The following OIT3 variants were observed in gnomAD, a reference collection of about 807,000 sequenced individuals.
The protein encoded by OIT3 is oncoprotein-induced transcript 3 protein.
Under a neutral mutation model 52.2 loss-of-function variants are expected in OIT3, and 41 were observed. That is an observed-to-expected ratio of 0.79 (90% CI 0.61 to 1.02). The LOEUF is 1.02. Ranked by LOEUF, OIT3 falls within the 50% of genes least tolerant of loss-of-function variation. OIT3 has a pLI of 0.00. For missense variants in OIT3, 634 were observed against 715.5 expected (o/e 0.89, Z 1.30); for synonymous variants, 244 against 276.9 (o/e 0.88, Z 1.18).
intron 3 of OIT3, among the ~76,000 whole-genome samples, chr10:72,900,965 G>A (rs548502642): frequency 2.0e-5 from 3 of 152,166 alleles, no homozygotes; most frequent in Non-Finnish European, 1.5e-5. Flanking sequence ...CTCCTCAGGA[G>A]GCTGAGGTGG....
intron 3 of OIT3, among the ~76,000 whole-genome samples, chr10:72,902,112 C>A (rs1845939805): frequency 6.6e-6 from 1 of 151,970 alleles, no homozygotes; most frequent in Admixed American, 6.6e-5. Flanking sequence ...CCCCACTGAC[C>A]ATCCTGTGAA....
At chr10:72,909,244 TC>T (rs749552306) in intron 4 of OIT3, among the ~76,000 whole-genome samples, 12 of 150,852 alleles carry the variant, frequency 8.0e-5, no homozygotes, top group Non-Finnish European at 1.5e-4. Flanking sequence ...CCTCAGCCTC[TC>T]AAGAAGCTGG....
At chr10:72,918,476 C>T in intron 6 of OIT3, 2 of 1,191,706 alleles carry the variant, frequency 1.7e-6, no homozygotes, top group Non-Finnish European at 2.5e-6. Context: ...TAATTCACAA[C>T]CAAAAAGATA....
chr10:72,911,609 C>T, intron 4 of OIT3, 108 bp from the exon 5 acceptor site: 1 of 1,168,024 alleles, frequency 8.6e-7, no homozygotes, highest in Non-Finnish European at 1.2e-6. Context: ...CTAGGTTAGG[C>T]ACCAGGGATG....
At chr10:72,902,976 T>A (rs1845947373) in intron 3 of OIT3, among the ~76,000 whole-genome samples, 1 of 152,162 alleles carries the variant, frequency 6.6e-6, no homozygotes, top group African/African-American at 2.4e-5. Flanking sequence ...TAGACAATCT[T>A]TTTCTATCAA....
chr10:72,931,123 G>A (rs1044806593), intron 8 of OIT3, among the ~76,000 whole-genome samples: 3 of 152,178 alleles, frequency 2.0e-5, no homozygotes, highest in Admixed American at 6.5e-5. Flanking sequence ...ATAGGGAGAA[G>A]TATACAGTGA....
At chr10:72,923,070 G>A (rs1189582295) in intron 6 of OIT3, among the ~76,000 whole-genome samples, 1 of 152,076 alleles carries the variant, frequency 6.6e-6, no homozygotes, top group East Asian at 1.9e-4. Context: ...GTAGAGATGG[G>A]GTTTCACCAT....
At chr10:72,919,775 A>G (rs2132943489) in intron 6 of OIT3, among the ~76,000 whole-genome samples, 1 of 152,230 alleles carries the variant, frequency 6.6e-6, no homozygotes, top group Middle Eastern at 3.4e-3. Flanking sequence ...TGTTGAACCA[A>G]TCTTGCATCC....
At chr10:72,900,279 A>C in intron 2 of OIT3, 98 bp from the exon 3 acceptor site, 11 of 685,656 alleles carry the variant, frequency 1.6e-5, no homozygotes, top group East Asian at 8.5e-5. Flanking sequence ...CAACATAGGG[A>C]TACCACCCCC....
intron 2 of OIT3, among the ~76,000 whole-genome samples, chr10:72,900,057 C>T (rs1457364374): frequency 2.0e-5 from 3 of 152,108 alleles, no homozygotes; most frequent in Non-Finnish European, 4.4e-5. Flanking sequence ...ACAGAAGATG[C>T]CCTAGATTGT....
At chr10:72,921,445 G>A (rs1846120570) in intron 6 of OIT3, among the ~76,000 whole-genome samples, 1 of 151,952 alleles carries the variant, frequency 6.6e-6, no homozygotes, top group Non-Finnish European at 1.5e-5. Context: ...GTTACGTGTG[G>A]ATTTGATCCT....
chr10:72,905,974 G>C (rs546844690), intron 3 of OIT3, among the ~76,000 whole-genome samples: 1 of 152,274 alleles, frequency 6.6e-6, no homozygotes, highest in South Asian at 2.1e-4. Flanking sequence ...TAGCTCCCAA[G>C]CTTCCTTTTC....
chr10:72,904,719 A>C (rs1845963749), intron 3 of OIT3, among the ~76,000 whole-genome samples: 1 of 152,134 alleles, frequency 6.6e-6, no homozygotes, highest in Non-Finnish European at 1.5e-5. Flanking sequence ...AATTATCACG[A>C]TAATGCTCTC....
chr10:72,901,400 G>T (rs1016519290), intron 3 of OIT3, among the ~76,000 whole-genome samples: 1 of 152,066 alleles, frequency 6.6e-6, no homozygotes, highest in African/African-American at 2.4e-5. Context: ...AACTAGAAGA[G>T]AACAGAGATG....
rs574654873 is a variant in OIT3 at position 72,900,649 on chromosome 10, T to C, written c.544+165T>C. 1.7e-4 allele frequency among the ~76,000 whole-genome samples: 26 copies of C among 152,238 alleles called. No homozygotes were observed. The East Asian group carries it at 5.0e-3, about 29-fold the overall frequency. On this transcript the variant is annotated intron_variant, in intron 3 of 8. Transcript: ENST00000334011. ...CTGGACCGAAAGCCCCACGCCAAAT[T>C]TGTATCATGATTAGGGACAGCAGAG...
intron 6 of OIT3, chr10:72,917,848 G>A (rs568248944): frequency 2.3e-6 from 3 of 1,314,646 alleles, no homozygotes; most frequent in African/African-American, 2.9e-5. Flanking sequence ...AAGGATTCTT[G>A]TCCTTTTGAT....
At chr10:72,895,614 CAG>C (rs1230744072) in intron 1 of OIT3, among the ~76,000 whole-genome samples, 1 of 152,146 alleles carries the variant, frequency 6.6e-6, no homozygotes, top group Admixed American at 6.5e-5. Flanking sequence ...AGCTCAGGCA[CAG>C]GGTCGAAAAG....
intron 4 of OIT3, among the ~76,000 whole-genome samples, chr10:72,908,479 T>C (rs1443646974): frequency 6.6e-6 from 1 of 152,186 alleles, no homozygotes; most frequent in Admixed American, 6.5e-5. Flanking sequence ...TTATGGCTAC[T>C]GTCCATATTT....
rs746921453 is a variant in OIT3 at position 72,913,297 on chromosome 10, T to C, written c.791-11T>C. On this transcript the variant is annotated splice_polypyrimidine_tract_variant and intron_variant, in intron 5 of 8. Coordinates refer to ENST00000334011, the MANE Select transcript of OIT3 (RefSeq NM_152635.3). ...TTTCCTGGCTCTAACAGTGGCCCTTTTTCTCTGCAGTCCCTGTGTTGTGCA... is the reference window on the plus strand; with the variant it reads ...TTTCCTGGCTCTAACAGTGGCCCTTCTTCTCTGCAGTCCCTGTGTTGTGCA... The C allele has an allele frequency of 6.4e-7, 1 of 1,563,940 alleles. No homozygotes were observed. Among genetic ancestry groups the C allele is most frequent in the Non-Finnish European group, 8.7e-7 (1 of 1,144,870 alleles).
Sources: gnomAD v4.1 joint callset for allele counts (sites outside exome capture counted in the v4.1 genomes callset) on GRCh38, gnomAD v4.1.1 for gene constraint, MANE v1.5 for transcripts, NCBI Gene and HGNC (gene_info 2026-07-23, HGNC 2026-07-21) for gene names.